The following GPC4 variants were observed in gnomAD, a reference collection of about 807,000 sequenced individuals.
GPC4 encodes the protein glypican-4.
In GPC4, 10 loss-of-function variants were observed where a neutral mutation model predicts 35.0. The ratio of observed to expected loss-of-function variants is 0.29; its 90% confidence interval spans 0.18 to 0.48. The LOEUF is 0.48. Among genes scored for constraint, GPC4 ranks in the 20% least tolerant of loss-of-function variants. GPC4 has a pLI of 0.99. For missense variants in GPC4, 322 were observed against 451.3 expected (o/e 0.71, Z 2.60); for synonymous variants, 167 against 170.2 (o/e 0.98, Z 0.15).
chrX:133,372,873 A>T (rs2068619288), intron 1 of GPC4, among the ~76,000 whole-genome samples: 1 of 112,160 alleles, frequency 8.9e-6, no homozygotes, highest in Admixed American at 9.5e-5. Context: ...TACCAGAGGG[A>T]TGTGAACATA....
At chrX:133,363,608 A>G (rs774059715) in intron 1 of GPC4, among the ~76,000 whole-genome samples, 1 of 111,366 alleles carries the variant, frequency 9.0e-6, no homozygotes, top group Non-Finnish European at 1.9e-5. Flanking sequence ...AACTCAAGTG[A>G]ATAATGTCCT....
At chrX:133,362,146 C>T (rs1299906338) in intron 1 of GPC4, among the ~76,000 whole-genome samples, 7 of 106,945 alleles carry the variant, frequency 6.5e-5, no homozygotes, top group African/African-American at 1.0e-4. Context: ...CCCAGGAGGT[C>T]GAGGCTTCAG....
intron 3 of GPC4, among the ~76,000 whole-genome samples, chrX:133,323,575 A>C (rs914986296): frequency 2.7e-5 from 3 of 112,569 alleles, no homozygotes; most frequent in Admixed American, 9.4e-5. Flanking sequence ...CTGATCACAT[A>C]CTACAATTTC....
At chrX:133,322,336 A>G (rs1340110991) in intron 3 of GPC4, among the ~76,000 whole-genome samples, 5 of 109,550 alleles carry the variant, frequency 4.6e-5, no homozygotes, top group African/African-American at 1.7e-4. Flanking sequence ...CCCAGCTACT[A>G]GGGAGGCTGA....
At chrX:133,326,939 G>A (rs2068396587) in intron 2 of GPC4, among the ~76,000 whole-genome samples, 2 of 112,577 alleles carry the variant, frequency 1.8e-5, no homozygotes, top group Non-Finnish European at 3.7e-5. Context: ...GCCAAGTGGT[G>A]ATTGCTCATG....
chrX:133,316,770 C>A (rs2068340282), intron 3 of GPC4, among the ~76,000 whole-genome samples: 1 of 111,559 alleles, frequency 9.0e-6, no homozygotes, highest in African/African-American at 3.3e-5. Flanking sequence ...GTGTATTACT[C>A]ATCAGTCCCT....
At chrX:133,303,397 G>C (rs1415280427) in intron 7 of GPC4, 56 bp from the exon 8 acceptor site, 1 of 1,026,900 alleles carries the variant, frequency 9.7e-7, no homozygotes, top group Non-Finnish European at 1.3e-6. Context: ...GATTTTATCT[G>C]TCTGCCTCCC....
intron 1 of GPC4, among the ~76,000 whole-genome samples, chrX:133,391,126 G>A (rs998279765): frequency 1.8e-4 from 20 of 111,941 alleles, no homozygotes; most frequent in Admixed American, 4.8e-4. Context: ...AACCCATCCC[G>A]AATCAAATTT....
intron 1 of GPC4, among the ~76,000 whole-genome samples, chrX:133,383,660 A>G (rs1213601348): frequency 9.0e-6 from 1 of 111,153 alleles, no homozygotes; most frequent in Non-Finnish European, 1.9e-5. Context: ...AGCCTGGGCA[A>G]CATGGAAACC....
intron 3 of GPC4, among the ~76,000 whole-genome samples, chrX:133,323,026 A>G: frequency 9.0e-6 from 1 of 111,532 alleles, no homozygotes; most frequent in East Asian, 2.8e-4. Flanking sequence ...TTTCCCCTTG[A>G]AATCTTGCTC....
chrX:133,309,602 C>T (rs1286380569), intron 4 of GPC4, among the ~76,000 whole-genome samples: 1 of 112,829 alleles, frequency 8.9e-6, no homozygotes, highest in African/African-American at 3.2e-5. Flanking sequence ...CAGCAGAATT[C>T]GATCACTGTC....
At chrX:133,362,295 G>A (rs6654275) in intron 1 of GPC4, among the ~76,000 whole-genome samples, 6,170 of 110,035 alleles carry the variant, frequency 0.056, 430 homozygotes, top group African/African-American at 0.19. Flanking sequence ...AAGAGGCAAG[G>A]AAAAACAGTG....
At chrX:133,342,032 ATTTTTTTTT>A (rs975355748) in intron 1 of GPC4, among the ~76,000 whole-genome samples, 1 of 72,877 alleles carries the variant, frequency 1.4e-5, no homozygotes, top group East Asian at 4.2e-4. Flanking sequence ...TTTTGGCACT[ATTTTTTTTT>A]TTTTTTTTTT....
At chrX:133,412,831 C>A (rs1200495862) in intron 1 of GPC4, among the ~76,000 whole-genome samples, 1 of 111,940 alleles carries the variant, frequency 8.9e-6, no homozygotes, top group East Asian at 2.8e-4. Flanking sequence ...GATGCCCTGC[C>A]ACAGCGAAAG....
intron 1 of GPC4, among the ~76,000 whole-genome samples, chrX:133,360,211 T>C (rs1018330821): frequency 9.0e-6 from 1 of 111,522 alleles, no homozygotes; most frequent in South Asian, 3.8e-4. Flanking sequence ...TACATTACTG[T>C]GCATTGTCAT....
intron 3 of GPC4, among the ~76,000 whole-genome samples, chrX:133,317,151 C>A (rs965404892): frequency 9.0e-6 from 1 of 110,814 alleles, no homozygotes; most frequent in Non-Finnish European, 1.9e-5. Flanking sequence ...CCTATAAAAT[C>A]CTTCAAGACT....
chrX:133,365,378 G>C (rs1034242675), intron 1 of GPC4, among the ~76,000 whole-genome samples: 2 of 111,708 alleles, frequency 1.8e-5, no homozygotes, highest in African/African-American at 6.5e-5. Context: ...GAATACATCA[G>C]GTACAGTGCA....
intron 7 of GPC4, 87 bp downstream of exon 7, chrX:133,304,638 T>G (rs1323629400): frequency 1.8e-6 from 2 of 1,088,887 alleles, no homozygotes; most frequent in Admixed American, 2.3e-5. Flanking sequence ...TCCTGATGCC[T>G]CGGTTGACAA....
At chrX:133,365,901 G>A (rs1003191081) in intron 1 of GPC4, among the ~76,000 whole-genome samples, 4 of 112,131 alleles carry the variant, frequency 3.6e-5, no homozygotes, top group African/African-American at 9.7e-5. Context: ...ATGGAGCAAC[G>A]TCCTATACTG....
Sources: allele counts gnomAD v4.1 joint callset (sites outside exome capture counted in the v4.1 genomes callset), GRCh38; gene constraint gnomAD v4.1.1; transcripts MANE v1.5; gene names NCBI Gene and HGNC (gene_info 2026-07-23, HGNC 2026-07-21).